CSTPP1: variants seen among roughly 807,000 people sequenced by gnomAD.
The protein encoded by CSTPP1 is UPF0705 protein C11orf49.
At chr11:47,053,350 T>C in the CSTPP1 span, among the ~76,000 whole-genome samples, 1 of 152,150 alleles carries the variant, frequency 6.6e-6, no homozygotes. Flanking sequence ...CCAGGCACAG[T>C]GGCTCAGCCT....
the CSTPP1 span, among the ~76,000 whole-genome samples, chr11:47,064,188 T>C: frequency 1.3e-5 from 2 of 152,220 alleles, no homozygotes; most frequent in Admixed American, 1.3e-4. Context: ...CGTTGAGTTG[T>C]AGGAGTTCTT....
chr11:47,143,562 C>T, the CSTPP1 span, among the ~76,000 whole-genome samples: 1 of 152,186 alleles, frequency 6.6e-6, no homozygotes, highest in East Asian at 1.9e-4. Context: ...CAGGTGTGAG[C>T]TGGAAAAACA....
the CSTPP1 span, among the ~76,000 whole-genome samples, chr11:46,941,395 A>G: frequency 1.3e-5 from 2 of 151,926 alleles, no homozygotes; most frequent in Non-Finnish European, 2.9e-5. Flanking sequence ...GCTGGAGTGC[A>G]ATGATGTGAT....
the CSTPP1 span, among the ~76,000 whole-genome samples, chr11:46,937,930 G>T: frequency 6.6e-6 from 1 of 152,066 alleles, no homozygotes; most frequent in African/African-American, 2.4e-5. Context: ...TTTCTCTCCT[G>T]TTGCCCAGGC....
the CSTPP1 span, among the ~76,000 whole-genome samples, chr11:46,969,034 AACC>A: frequency 6.6e-6 from 1 of 152,230 alleles, no homozygotes; most frequent in Non-Finnish European, 1.5e-5. Flanking sequence ...AATCCTCTAG[AACC>A]ACTGTTCGTT....
chr11:46,993,680 C>A, the CSTPP1 span, among the ~76,000 whole-genome samples: 1 of 152,032 alleles, frequency 6.6e-6, no homozygotes, highest in African/African-American at 2.4e-5. Flanking sequence ...GTTACTGTAG[C>A]CTTGTAGTAT....
At chr11:47,131,304 A>G in the CSTPP1 span, among the ~76,000 whole-genome samples, 2 of 152,148 alleles carry the variant, frequency 1.3e-5, no homozygotes, top group African/African-American at 2.4e-5. Flanking sequence ...ATTCCACCAC[A>G]GTTCTGAGCA....
At chr11:46,992,226 A>AT in the CSTPP1 span, among the ~76,000 whole-genome samples, 290 of 149,970 alleles carry the variant, frequency 1.9e-3, 2 homozygotes, top group African/African-American at 6.6e-3. Context: ...TTCTTTTTTT[A>AT]TTTTTTTTAT....
the CSTPP1 span, among the ~76,000 whole-genome samples, chr11:47,026,870 C>A: frequency 6.6e-6 from 1 of 151,840 alleles, no homozygotes; most frequent in Admixed American, 6.6e-5. Flanking sequence ...AGAGGAAGAC[C>A]CTGTCTCAAA....
the CSTPP1 span, among the ~76,000 whole-genome samples, chr11:47,013,122 AATC>A: frequency 6.9e-6 from 1 of 144,754 alleles, no homozygotes; most frequent in Non-Finnish European, 1.5e-5. Context: ...TAACATATAT[AATC>A]ATATAGCATA....
the CSTPP1 span, among the ~76,000 whole-genome samples, chr11:47,094,482 G>C: frequency 0.6 from 89,533 of 148,652 alleles, 27,209 homozygotes; most frequent in Middle Eastern, 0.7. Context: ...ACCACACACA[G>C]AGAGAGAGAG....
chr11:47,126,698 G>A, the CSTPP1 span, among the ~76,000 whole-genome samples: 5 of 151,852 alleles, frequency 3.3e-5, no homozygotes, highest in Admixed American at 6.6e-5. Flanking sequence ...TTGGGAGACC[G>A]AGGCAGGTGG....
At chr11:47,157,963 C>A in the CSTPP1 span, 2 of 1,552,416 alleles carry the variant, frequency 1.3e-6, no homozygotes, top group Non-Finnish European at 8.9e-7. Flanking sequence ...TCCTGCCGCA[C>A]AACACAGGGA....
chr11:47,075,001 T>C, the CSTPP1 span, among the ~76,000 whole-genome samples: 2 of 152,222 alleles, frequency 1.3e-5, no homozygotes, highest in Admixed American at 6.5e-5. Flanking sequence ...AAAATGGACA[T>C]GTAAATAGTT....
At chr11:47,157,129 T>C in the CSTPP1 span, 628 of 1,614,078 alleles carry the variant, frequency 3.9e-4, 3 homozygotes, top group African/African-American at 7.8e-3. Flanking sequence ...GCCAACGACC[T>C]GCCTTGGGCG....
At chr11:47,076,595 C>T in the CSTPP1 span, among the ~76,000 whole-genome samples, 1 of 152,134 alleles carries the variant, frequency 6.6e-6, no homozygotes, top group African/African-American at 2.4e-5. Flanking sequence ...AATCCCAGCA[C>T]TTTGGGAGGC....
At chr11:46,941,389 G>T in the CSTPP1 span, among the ~76,000 whole-genome samples, 1 of 152,196 alleles carries the variant, frequency 6.6e-6, no homozygotes, top group African/African-American at 2.4e-5. Context: ...ACCCAGGCTG[G>T]AGTGCAATGA....
At chr11:46,964,275 TTC>T in the CSTPP1 span, among the ~76,000 whole-genome samples, 1 of 149,264 alleles carries the variant, frequency 6.7e-6, no homozygotes, top group Non-Finnish European at 1.5e-5. Flanking sequence ...TCACAGTGTC[TTC>T]TCTCTCTCTC....
At chr11:47,101,172 TTTTTTTTTTTTTTTTTTATTTTA>T in the CSTPP1 span, among the ~76,000 whole-genome samples, 1 of 83,088 alleles carries the variant, frequency 1.2e-5, no homozygotes, top group Non-Finnish European at 2.8e-5. Flanking sequence ...TAATTTTTTT[TTTTTTTTTTTTTTTTTTATTTTA>T]TTTTTAGTAG....
Sources: gnomAD v4.1 joint callset for allele counts (sites outside exome capture counted in the v4.1 genomes callset) on GRCh38, gnomAD v4.1.1 for gene constraint, MANE v1.5 for transcripts, NCBI Gene and HGNC (gene_info 2026-07-23, HGNC 2026-07-21) for gene names.